The following POLD3 variants were observed in gnomAD, a reference collection of about 807,000 sequenced individuals.
POLD3 encodes DNA polymerase delta subunit 3.
Under a neutral mutation model 58.2 loss-of-function variants are expected in POLD3, and 19 were observed. The ratio of observed to expected loss-of-function variants is 0.33; its 90% CI spans 0.23 to 0.48. POLD3 has a LOEUF of 0.48. Among genes scored for constraint, POLD3 ranks in the 20% least tolerant of loss-of-function variants. The pLI is 0.99. For synonymous variants in POLD3, 172 were observed against 193.5 expected (o/e 0.89, Z 0.92); for missense variants, 504 against 545.5 (o/e 0.92, Z 0.76).
At chr11:74,639,468 G>T (rs1169263538) in intron 11 of POLD3, among the ~76,000 whole-genome samples, 1 of 152,214 alleles carries the variant, frequency 6.6e-6, no homozygotes, top group African/African-American at 2.4e-5. Flanking sequence ...TGCATATTAG[G>T]TTACGCTTTT....
intron 2 of POLD3, among the ~76,000 whole-genome samples, chr11:74,603,589 CAT>C (rs1288169997): frequency 6.6e-6 from 1 of 151,956 alleles, no homozygotes; most frequent in East Asian, 1.9e-4. Flanking sequence ...CACTCTAATA[CAT>C]AGAGTGAAAA....
rs1591322862 is a variant in POLD3 at position 74,642,072 on chromosome 11, A to G, written c.*1306A>G. The G allele has an allele frequency of 1.0e-6, 1 of 985,330 alleles. No individual in the cohort carries two copies. Among genetic ancestry groups the G allele is most frequent in the African/African-American group, 1.7e-5 (1 of 57,222 alleles). The allele number at this position is 985,330 out of a possible 1,614,324, so 61.0% of individuals were successfully genotyped here. A position where few individuals can be genotyped will look rare whatever the true frequency, so the allele number is the denominator to read the frequency against. On this transcript the variant is annotated 3_prime_UTR_variant, in exon 12 of 12. Transcript: ENST00000263681. ...CTGATGTGTCTCACACGTAGCAGACAAGGGGTGTCTGACTGGCTTCTTTTG... is the reference window on the plus strand; with the variant it reads ...CTGATGTGTCTCACACGTAGCAGACGAGGGGTGTCTGACTGGCTTCTTTTG...
At chr11:74,632,036 C>T (rs2032609765) in intron 9 of POLD3, among the ~76,000 whole-genome samples, 1 of 152,116 alleles carries the variant, frequency 6.6e-6, no homozygotes, top group Admixed American at 6.5e-5. Flanking sequence ...AAAGAAATAA[C>T]ATTAAGAATA....
intron 3 of POLD3, among the ~76,000 whole-genome samples, chr11:74,610,189 CTGTT>C (rs1343510339): frequency 1.3e-5 from 2 of 148,720 alleles, no homozygotes; most frequent in African/African-American, 4.9e-5. Flanking sequence ...TGTGAACTGT[CTGTT>C]CCTACCACTT....
chr11:74,660,372 C>T (rs1056393570), intron 4 of POLD3, among the ~76,000 whole-genome samples: 3 of 152,080 alleles, frequency 2.0e-5, no homozygotes, highest in Non-Finnish European at 2.9e-5. Flanking sequence ...TGTTATTATC[C>T]GTTTGAATAA....
intron 4 of POLD3, among the ~76,000 whole-genome samples, chr11:74,659,895 G>A (rs1037177078): frequency 4.6e-5 from 7 of 152,190 alleles, no homozygotes; most frequent in East Asian, 1.9e-4. Context: ...AACCTCTGCC[G>A]TTACCGAGTT....
At chr11:74,661,818 G>A (rs1460011902) in intron 4 of POLD3, among the ~76,000 whole-genome samples, 1 of 152,242 alleles carries the variant, frequency 6.6e-6, no homozygotes, top group Non-Finnish European at 1.5e-5. Context: ...ATGCTGTCTG[G>A]GAGCCAGGGA....
intron 5 of POLD3, among the ~76,000 whole-genome samples, chr11:74,613,494 A>G (rs1364434736): frequency 2.0e-5 from 3 of 152,018 alleles, no homozygotes; most frequent in Non-Finnish European, 2.9e-5. Flanking sequence ...ATGCGTGTAC[A>G]TTTTGGAAAT....
At position 74,617,647 on chromosome 11, in the gene POLD3, G is replaced by C. The variant is rs545000947; in HGVS notation, c.393-890G>C. Among the ~76,000 whole-genome samples, 6 of 152,248 alleles carry C rather than the reference G, an allele frequency of 3.9e-5. 1 individual carries two copies. The highest frequency in any genetic ancestry group is 6.8e-3 in the Middle Eastern group (2 of 294). ...GAACTCCTGACCTCATGATCCACCT[G>C]CCTTGGCCTCCCAAAGTGCTGGGAT... On this transcript the variant is annotated intron_variant, in intron 5 of 11. Coordinates refer to ENST00000263681, the MANE Select transcript of POLD3 (RefSeq NM_006591.3).
intron 5 of POLD3, among the ~76,000 whole-genome samples, chr11:74,613,233 A>G (rs1300058882): frequency 6.6e-6 from 1 of 151,880 alleles, no homozygotes; most frequent in Admixed American, 6.6e-5. Flanking sequence ...TTTCTCATGT[A>G]TTTATCCTGT....
At chr11:74,636,357 A>G in intron 11 of POLD3, 82 bp downstream of exon 11, 3 of 1,337,680 alleles carry the variant, frequency 2.2e-6, no homozygotes, top group South Asian at 2.5e-5. Context: ...TAGAACAGGT[A>G]CATCTCAAAC....
At chr11:74,624,265 G>A (rs1445157842) in intron 7 of POLD3, among the ~76,000 whole-genome samples, 3 of 152,154 alleles carry the variant, frequency 2.0e-5, no homozygotes, top group Admixed American at 2.0e-4. Flanking sequence ...TATTTGAGAG[G>A]CACTGATACT....
chr11:74,652,368 A>C (rs555923442), intron 4 of POLD3, among the ~76,000 whole-genome samples: 170 of 152,238 alleles, frequency 1.1e-3, no homozygotes, highest in Non-Finnish European at 1.8e-3. Context: ...GAAACTTTTC[A>C]TACATATTGC....
chr11:74,600,269 T>G (rs2031443453), intron 2 of POLD3, among the ~76,000 whole-genome samples: 1 of 152,194 alleles, frequency 6.6e-6, no homozygotes, highest in South Asian at 2.1e-4. Flanking sequence ...TTAAGAATAT[T>G]TTATATTTTG....
rs1241999232 is a variant in POLD3, at chr11:74,641,564, C to T, written c.*798C>T. ...CTGCTGATACGGGGTGTGCTTTATG[C>T]TGCTCTTTGCGGTTTGTTGATCCCC... On this transcript the variant is annotated 3_prime_UTR_variant, in exon 12 of 12. Coordinates refer to ENST00000263681, the MANE Select transcript of POLD3 (RefSeq NM_006591.3). The T allele has an allele frequency of 1.0e-6, 1 of 985,404 alleles. No individual in the cohort carries two copies. The allele number at this position is 985,404 out of a possible 1,614,324, so 61.0% of individuals were successfully genotyped here.
chr11:74,664,118 T>A lies in POLD3; in HGVS notation c.370-4659T>A, dbSNP rs559251462. On this transcript the variant is annotated intron_variant, in intron 4 of 4. Coordinates refer to the POLD3 transcript ENST00000524752. ...TACATGCCCATTAGAATGGCTAAAA[T>A]CAAACGGTGGCAACAGCTTAAGTGG... Among the ~76,000 whole-genome samples the A allele has an allele frequency of 9.2e-5, 14 of 152,252 alleles. No individual in the cohort carries two copies. In the South Asian group the frequency reaches 1.0e-3, roughly 11 times the overall value.
At chr11:74,593,130 C>T (rs541771905) in intron 1 of POLD3, 10 of 697,938 alleles carry the variant, frequency 1.4e-5, no homozygotes, top group Non-Finnish European at 1.8e-5. Context: ...GATACTGTTT[C>T]CTCTTCCTGG....
At chr11:74,647,692 C>T (rs1203816658), downstream of POLD3, among the ~76,000 whole-genome samples, 1 of 152,162 alleles carries the variant, frequency 6.6e-6, no homozygotes, top group Non-Finnish European at 1.5e-5. Context: ...CTCTGCCTTC[C>T]TGGAACTGAC....
chr11:74,604,077 T>TA (rs2031592616), intron 2 of POLD3, among the ~76,000 whole-genome samples: 1 of 152,238 alleles, frequency 6.6e-6, no homozygotes, highest in Non-Finnish European at 1.5e-5. Flanking sequence ...TAAATCTGAG[T>TA]AATCATAAAA....
Sources: allele counts gnomAD v4.1 joint callset (sites outside exome capture counted in the v4.1 genomes callset), GRCh38; gene constraint gnomAD v4.1.1; transcripts MANE v1.5; gene names NCBI Gene and HGNC (gene_info 2026-07-23, HGNC 2026-07-21).